GALNT9: variants seen among roughly 807,000 people sequenced by gnomAD.
The protein encoded by GALNT9 is GalNAc transferase 9.
GALNT9 carries 47 observed loss-of-function variants against 63.1 expected under a neutral mutation model. That is an observed-to-expected ratio of 0.75 (90% CI 0.59 to 0.95). GALNT9 has a LOEUF of 0.95. Among genes scored for constraint, GALNT9 ranks in the 40% least tolerant of loss-of-function variants. The probability of loss-of-function intolerance (pLI) is 0.00; values close to 1 mark genes in which losing one functional copy is unlikely to be tolerated. For synonymous variants in GALNT9, 396 were observed against 365.7 expected (o/e 1.08, Z -0.94); for missense variants, 829 against 874.8 (o/e 0.95, Z 0.66).
chr12:132,224,722 C>T (rs1464433142), intron 6 of GALNT9, among the ~76,000 whole-genome samples: 1 of 144,358 alleles, frequency 6.9e-6, no homozygotes, highest in African/African-American at 2.6e-5. Context: ...AGACATACGC[C>T]CCATACACCA....
chr12:132,301,959 C>T (rs994223439), intron 1 of GALNT9, among the ~76,000 whole-genome samples: 7 of 152,206 alleles, frequency 4.6e-5, no homozygotes, highest in Admixed American at 1.3e-4. Context: ...ATCCATCAGA[C>T]GCTTGTCCAC....
At chr12:132,212,019 C>G (rs931202543) in intron 6 of GALNT9, among the ~76,000 whole-genome samples, 2 of 152,232 alleles carry the variant, frequency 1.3e-5, no homozygotes, top group African/African-American at 4.8e-5. Context: ...GGACACTCCG[C>G]ATGGCAGCGG....
intron 3 of GALNT9, among the ~76,000 whole-genome samples, chr12:132,261,789 C>A (rs1033307434): frequency 6.6e-6 from 1 of 152,234 alleles, no homozygotes; most frequent in Non-Finnish European, 1.5e-5. Context: ...CTCTGCTCTG[C>A]GCCTGGGAAG....
At chr12:132,207,302 T>C (rs915028066) in intron 6 of GALNT9, among the ~76,000 whole-genome samples, 3 of 152,200 alleles carry the variant, frequency 2.0e-5, no homozygotes, top group African/African-American at 7.2e-5. Flanking sequence ...TGCCTCCCAG[T>C]GCTCAGAGCG....
intron 6 of GALNT9, among the ~76,000 whole-genome samples, chr12:132,215,795 C>T (rs1877158253): frequency 6.6e-6 from 1 of 152,112 alleles, no homozygotes; most frequent in Non-Finnish European, 1.5e-5. Flanking sequence ...TGGGACCCAG[C>T]ACGGGACCCA....
chr12:132,271,686 G>T (rs1879872793), intron 2 of GALNT9, among the ~76,000 whole-genome samples: 2 of 152,196 alleles, frequency 1.3e-5, no homozygotes, highest in South Asian at 2.1e-4. Context: ...CCGGCATGGG[G>T]TCTGTAAATG....
rs1881094723 is a variant in GALNT9 at position 132,296,902 on chromosome 12, C to G, written c.239-10472G>C. Among the ~76,000 whole-genome samples, 1 of 152,090 alleles carries G rather than the reference C, an allele frequency of 6.6e-6. No individual in the cohort carries two copies. Among genetic ancestry groups the G allele is most frequent in the African/African-American group, 2.4e-5 (1 of 41,374 alleles). ...GCCCACTCCCACACAAACCAACTCA[C>G]TCCCAAGATACCCAACTCACTCCTG... On this transcript the variant is annotated intron_variant, in intron 1 of 10. Transcript: ENST00000328957. This position sits in a 1 kb window ranked among gnomAD's most constrained non-coding sequence, Gnocchi z 4.2.
chr12:132,197,941 C>A lies in GALNT9; in HGVS notation c.1516G>T (p.Asp506Tyr). The A allele has an allele frequency of 6.2e-7, 1 of 1,610,156 alleles. No individual in the cohort carries two copies. The highest frequency in any genetic ancestry group is 1.1e-5 in the South Asian group (1 of 90,470). ...AGAGGCCCCAGCTGCAGCAGTCCAT[C>A]AGCGCTGTACCGCACCAGCTGGGGA... ...MSSQLVRYSA[D>Y]GLLQLGPLGS... is the part of the protein sequence containing the mutation. Residue 506 changes from aspartate (D) to tyrosine (Y), a missense_variant, in exon 10 of 11, where the codon GAT becomes TAT. Transcript: ENST00000328957.
chr12:132,329,259 G>C lies in GALNT9; in HGVS notation c.-56C>G. 1.3e-6 allele frequency: 2 copies of C among 1,511,568 alleles called. No homozygotes were observed. The highest frequency in any genetic ancestry group is 1.3e-5 in the South Asian group (1 of 79,218). The allele number at this position is 1,511,568 out of a possible 1,614,324, so 93.6% of individuals were successfully genotyped here. A position where few individuals can be genotyped will look rare whatever the true frequency, so the allele number is the denominator to read the frequency against. ...GGGGCATCCCCAGCATCCCCGCCCG[G>C]GCCTGGGCTTCAGCTTCGGCTTCGG... On this transcript the variant is annotated 5_prime_UTR_variant, in exon 1 of 11. Coordinates refer to ENST00000328957, the MANE Select transcript of GALNT9 (RefSeq NM_001122636.2).
At chr12:132,326,564 G>A (rs1305563517) in intron 1 of GALNT9, among the ~76,000 whole-genome samples, 1 of 152,044 alleles carries the variant, frequency 6.6e-6, no homozygotes, top group Non-Finnish European at 1.5e-5. Flanking sequence ...TGGCCCTCCC[G>A]CTCCTCCAGC....
At chr12:132,287,518 G>A (rs984933570) in intron 1 of GALNT9, among the ~76,000 whole-genome samples, 25 of 152,166 alleles carry the variant, frequency 1.6e-4, no homozygotes, top group Admixed American at 5.9e-4. Flanking sequence ...GGCAGCAGCC[G>A]AGACGTGGCT....
chr12:132,293,332 C>A (rs533128673), intron 1 of GALNT9, among the ~76,000 whole-genome samples: 1 of 152,366 alleles, frequency 6.6e-6, no homozygotes, highest in Admixed American at 6.5e-5. Flanking sequence ...AGGGGGAACT[C>A]TGGGCTCCGG....
chr12:132,283,134 C>G (rs1386714909), intron 2 of GALNT9: 1 of 152,474 alleles, frequency 6.6e-6, no homozygotes, highest in Non-Finnish European at 1.5e-5. Context: ...GCACAGGGCC[C>G]CCGCCGGCCA....
chr12:132,269,138 A>G (rs1366003765), intron 2 of GALNT9, among the ~76,000 whole-genome samples: 2 of 152,200 alleles, frequency 1.3e-5, no homozygotes, highest in Non-Finnish European at 2.9e-5. Context: ...GCAAAGGCAC[A>G]GAGGGTGGGC....
Position 132,329,035 on chromosome 12 carries a change from G to A in GALNT9, c.169C>T (p.Leu57=), listed in dbSNP as rs939135281. ...VRSRHAKVGT[L]GDREAILQRL... ...TGCAGGATGGCCTCACGGTCCCCCAGCGTGCCCACCTTGGCGTGTCGGCTG... is the reference window on the plus strand; with the variant it reads ...TGCAGGATGGCCTCACGGTCCCCCAACGTGCCCACCTTGGCGTGTCGGCTG... The change falls in exon 1 of 11, where the codon CTG becomes TTG. Residue 57 remains leucine (L), a synonymous_variant. Coordinates refer to ENST00000328957, the MANE Select transcript of GALNT9 (RefSeq NM_001122636.2). The A allele has an allele frequency of 3.9e-5, 61 of 1,545,408 alleles. No individual in the cohort carries two copies. The highest frequency in any genetic ancestry group is 5.1e-5 in the Non-Finnish European group (58 of 1,146,126).
chr12:132,207,355 G>A (rs1012960904), intron 6 of GALNT9, among the ~76,000 whole-genome samples: 6 of 152,212 alleles, frequency 3.9e-5, no homozygotes, highest in Admixed American at 2.0e-4. Context: ...GCTGCGGAAC[G>A]AATGTGTTCC....
In GALNT9 at chr12:132,209,505, G is replaced by A. The variant is rs189787758; in HGVS notation, c.1078-5815C>T. On this transcript the variant is annotated intron_variant, in intron 6 of 10. Transcript: ENST00000328957. ...GCAAAGGTTGCAGTGAGCCGAGATC[G>A]CACCATTGCACTCCAGCCTGAGTGA... Among the ~76,000 whole-genome samples, 10 of 152,224 alleles carry A rather than the reference G, an allele frequency of 6.6e-5. No homozygotes were observed. In the East Asian group the frequency reaches 1.7e-3, roughly 26 times the overall value.
chr12:132,288,381 T>C (rs1289752385), intron 1 of GALNT9, among the ~76,000 whole-genome samples: 8 of 152,224 alleles, frequency 5.3e-5, no homozygotes, highest in Admixed American at 5.2e-4. Flanking sequence ...ACAAATCACT[T>C]CCCCTTCTTA....
At position 132,197,053 on chromosome 12, in the gene GALNT9, C is replaced by T. The variant is rs553434348; in HGVS notation, c.*54G>A. The T allele has an allele frequency of 3.1e-5, 49 of 1,598,876 alleles. No individual in the cohort carries two copies. The East Asian group carries it at 9.9e-4, about 32-fold the overall frequency. Reference sequence around the variant, plus strand: ...GGCACACCCCGGTCACTCAGCCACACTGGCTCGGCCCAGCGCCTTCCCGAG... The same window carrying T: ...GGCACACCCCGGTCACTCAGCCACATTGGCTCGGCCCAGCGCCTTCCCGAG... On this transcript the variant is annotated 3_prime_UTR_variant, in exon 11 of 11. Coordinates refer to ENST00000328957, the MANE Select transcript of GALNT9 (RefSeq NM_001122636.2).
Sources: gnomAD v4.1 joint callset for allele counts (sites outside exome capture counted in the v4.1 genomes callset) on GRCh38, gnomAD v4.1.1 for gene constraint, Gnocchi (gnomAD v3.1) non-coding constraint, MANE v1.5 for transcripts, NCBI Gene and HGNC (gene_info 2026-07-23, HGNC 2026-07-21) for gene names.